B3GALT1: variants seen among roughly 807,000 people sequenced by gnomAD.
B3GALT1 encodes beta-1,3-galactosyltransferase 1.
In B3GALT1, 10 loss-of-function variants were observed where a neutral mutation model predicts 23.2. That is an observed-to-expected ratio of 0.43 (90% CI 0.27 to 0.73). The LOEUF (loss-of-function observed/expected upper bound fraction) is 0.73. Among genes scored for constraint, B3GALT1 ranks in the 30% least tolerant of loss-of-function variants. The pLI, the probability that B3GALT1 is intolerant of heterozygous loss-of-function variation, is 0.21. For missense variants in B3GALT1, 299 were observed against 405.4 expected (o/e 0.74, Z 2.25); for synonymous variants, 156 against 141.5 (o/e 1.10, Z -0.73).
At chr2:167,430,791 CAGT>C (rs993213645) in intron 1 of B3GALT1, among the ~76,000 whole-genome samples, 1 of 152,084 alleles carries the variant, frequency 6.6e-6, no homozygotes, top group African/African-American at 2.4e-5. Flanking sequence ...TCATTATTAT[CAGT>C]AGTAGTGCTA....
rs528417007 is a variant in B3GALT1 at position 167,590,860 on chromosome 2, T to G, written c.-409-56049T>G. ...TGTTTCAGGATAACTGCAATAAAAA[T>G]GTCCAATTGAAAAAGGAGAGGGTAT... On this transcript the variant is annotated intron_variant, in intron 2 of 4. Coordinates refer to ENST00000392690, the MANE Select transcript of B3GALT1 (RefSeq NM_020981.4). 1.2e-4 allele frequency among the ~76,000 whole-genome samples: 18 copies of G among 152,312 alleles called. No individual in the cohort carries two copies. In the South Asian group the frequency reaches 3.7e-3, roughly 32 times the overall value.
At chr2:167,382,314 CT>C (rs1559080773) in intron 1 of B3GALT1, among the ~76,000 whole-genome samples, 16 of 151,884 alleles carry the variant, frequency 1.1e-4, no homozygotes. Context: ...TTTTTTGTTT[CT>C]TTTTTTCCTG....
rs113463853 is a variant in B3GALT1, at chr2:167,381,170, C to A, written c.-511+87836C>A. ...GCAGCCTCAACCTCCCAGGCTCAAG[C>A]GATCCTCCCACCTCAGCCTTCTGAG... is the stretch of plus-strand genomic sequence containing the variant. On this transcript the variant is annotated intron_variant, in intron 1 of 4. Coordinates refer to ENST00000392690, the MANE Select transcript of B3GALT1 (RefSeq NM_020981.4). 1.1e-3 allele frequency among the ~76,000 whole-genome samples: 173 copies of A among 152,174 alleles called. 1 individual carries two copies. In the East Asian group the frequency reaches 0.018, roughly 16 times the overall value.
chr2:167,605,456 A>T (rs1684946923), intron 2 of B3GALT1, among the ~76,000 whole-genome samples: 1 of 141,036 alleles, frequency 7.1e-6, no homozygotes, highest in African/African-American at 2.7e-5. Flanking sequence ...GGTGGTTGGT[A>T]CCGATTGTCA....
At chr2:167,338,480 T>TAAA (rs1697095090) in intron 1 of B3GALT1, among the ~76,000 whole-genome samples, 4 of 151,656 alleles carry the variant, frequency 2.6e-5, no homozygotes, top group Non-Finnish European at 5.9e-5. Context: ...ATGACTGGAA[T>TAAA]TAGACATTCA....
intron 3 of B3GALT1, among the ~76,000 whole-genome samples, chr2:167,663,472 G>A (rs1048051665): frequency 3.3e-5 from 5 of 152,036 alleles, no homozygotes; most frequent in African/African-American, 9.7e-5. Flanking sequence ...TTGGGTATAT[G>A]CCCAGTAATG....
chr2:167,595,685 T>C (rs1684762853), intron 2 of B3GALT1, among the ~76,000 whole-genome samples: 2 of 152,216 alleles, frequency 1.3e-5, no homozygotes, highest in Non-Finnish European at 2.9e-5. Flanking sequence ...TTTAGAAATA[T>C]AATGTTTAAT....
chr2:167,491,825 A>G (rs931605503), intron 2 of B3GALT1, among the ~76,000 whole-genome samples: 8 of 152,192 alleles, frequency 5.3e-5, no homozygotes, highest in Non-Finnish European at 1.0e-4. Flanking sequence ...AAAAAAAAAA[A>G]AAGTGATTTT....
chr2:167,714,470 C>A, intron 3 of B3GALT1: 1 of 1,599,546 alleles, frequency 6.3e-7, no homozygotes, highest in Non-Finnish European at 8.6e-7. Context: ...GAGAAAAGCT[C>A]TCGTTTCAGA....
At chr2:167,475,697 G>A (rs569531570) in intron 1 of B3GALT1, among the ~76,000 whole-genome samples, 1 of 152,228 alleles carries the variant, frequency 6.6e-6, no homozygotes, top group African/African-American at 2.4e-5. Flanking sequence ...GTCTTGGAAT[G>A]TATTCCCCAC....
chr2:167,734,301 GA>G (rs931232658), intron 3 of B3GALT1, among the ~76,000 whole-genome samples: 47 of 148,524 alleles, frequency 3.2e-4, no homozygotes, highest in South Asian at 1.9e-3. Flanking sequence ...ATGTACAGGG[GA>G]AAAAAAAAAG....
chr2:167,584,545 A>G (rs181273881), intron 2 of B3GALT1, among the ~76,000 whole-genome samples: 2 of 152,306 alleles, frequency 1.3e-5, no homozygotes, highest in East Asian at 1.9e-4. Context: ...TTCTGACACT[A>G]TCTGGAGATA....
intron 1 of B3GALT1, among the ~76,000 whole-genome samples, chr2:167,302,356 CTG>C (rs779571670): frequency 1.4e-4 from 22 of 151,864 alleles, no homozygotes; most frequent in Non-Finnish European, 2.8e-4. Flanking sequence ...CTAAAAAAAA[CTG>C]TAAAAATGGG....
At chr2:167,548,886 T>G (rs1279376591) in intron 2 of B3GALT1, among the ~76,000 whole-genome samples, 1 of 152,210 alleles carries the variant, frequency 6.6e-6, no homozygotes. Context: ...CTTTTTTAAC[T>G]AATATTTAAT....
intron 1 of B3GALT1, among the ~76,000 whole-genome samples, chr2:167,431,322 C>A (rs571522471): frequency 6.6e-6 from 1 of 152,190 alleles, no homozygotes; most frequent in South Asian, 2.1e-4. Flanking sequence ...TTTCAGAGAA[C>A]CATTACGAAT....
intron 4 of B3GALT1, chr2:167,862,635 T>C: frequency 6.6e-6 from 1 of 152,258 alleles, no homozygotes; most frequent in East Asian, 1.9e-4. Flanking sequence ...GCCTGAACCA[T>C]GAAGATGGAC....
chr2:167,536,921 C>A (rs576954793), intron 2 of B3GALT1, among the ~76,000 whole-genome samples: 9 of 152,164 alleles, frequency 5.9e-5, no homozygotes, highest in African/African-American at 2.2e-4. Context: ...AACTCTATTT[C>A]GGAAGGTAAA....
rs375602061 is a variant in B3GALT1 at position 167,710,195 on chromosome 2, C to G, written c.-352+63229C>G. 8.5e-5 allele frequency among the ~76,000 whole-genome samples: 13 copies of G among 152,252 alleles called. No individual in the cohort carries two copies. The South Asian group carries it at 2.3e-3, about 27-fold the overall frequency. On this transcript the variant is annotated intron_variant, in intron 3 of 4. Coordinates refer to ENST00000392690, the MANE Select transcript of B3GALT1 (RefSeq NM_020981.4). ...TCACTTCAGAAAGACTATAAATACT[C>G]AACCAAGAAAAACTTATTTTAAATA...
At chr2:167,349,451 C>T (rs1574043219) in intron 1 of B3GALT1, among the ~76,000 whole-genome samples, 2 of 151,918 alleles carry the variant, frequency 1.3e-5, no homozygotes, top group Non-Finnish European at 2.9e-5. Context: ...CAAAAGAGGC[C>T]GTAAAGTGCT....
Sources: gnomAD v4.1 joint callset for allele counts (sites outside exome capture counted in the v4.1 genomes callset) on GRCh38, gnomAD v4.1.1 for gene constraint, MANE v1.5 for transcripts, NCBI Gene and HGNC (gene_info 2026-07-23, HGNC 2026-07-21) for gene names.